The following FSTL5 variants were observed in gnomAD, a reference collection of about 807,000 sequenced individuals.
FSTL5 encodes the protein follistatin-related protein 5.
FSTL5 carries 62 observed loss-of-function variants against 89.1 expected under a neutral mutation model. That is an observed-to-expected ratio of 0.70 (90% CI 0.57 to 0.86). The LOEUF is 0.86. Ranked by LOEUF, FSTL5 falls within the 40% of genes least tolerant of loss-of-function variation. FSTL5 has a pLI of 0.00. For synonymous variants in FSTL5, 383 were observed against 346.2 expected, an observed-to-expected ratio of 1.11 and a Z score of -1.18; for missense variants, 1,057 against 1,001.6, an observed-to-expected ratio of 1.06 and a Z score of -0.75.
intron 2 of FSTL5, among the ~76,000 whole-genome samples, chr4:162,099,934 A>G (rs1730922027): frequency 6.6e-6 from 1 of 152,228 alleles, no homozygotes; most frequent in Non-Finnish European, 1.5e-5. Flanking sequence ...TGGTGAGGAT[A>G]GTGGAGCAAT....
chr4:161,441,368 T>C (rs540104257), intron 15 of FSTL5, among the ~76,000 whole-genome samples: 2 of 152,232 alleles, frequency 1.3e-5, no homozygotes, highest in South Asian at 4.1e-4. Context: ...GCAGATGATA[T>C]TGCCCTTCAT....
At chr4:162,148,327 GA>G (rs1252318716) in intron 1 of FSTL5, among the ~76,000 whole-genome samples, 1 of 151,960 alleles carries the variant, frequency 6.6e-6, no homozygotes, top group East Asian at 1.9e-4. Context: ...AATACACTGA[GA>G]AAAAAATGCA....
intron 12 of FSTL5, among the ~76,000 whole-genome samples, chr4:161,488,678 C>A (rs1361706183): frequency 6.6e-6 from 1 of 152,040 alleles, no homozygotes; most frequent in Non-Finnish European, 1.5e-5. Flanking sequence ...TAAATAAAAT[C>A]ATATTTGAAA....
chr4:161,932,513 G>A (rs935167854), intron 3 of FSTL5, among the ~76,000 whole-genome samples: 19 of 151,522 alleles, frequency 1.3e-4, no homozygotes, highest in African/African-American at 4.6e-4. Flanking sequence ...ATAAGAATGT[G>A]TATATATAAA....
intron 15 of FSTL5, among the ~76,000 whole-genome samples, chr4:161,418,342 T>C (rs1487105282): frequency 2.6e-5 from 4 of 152,176 alleles, no homozygotes; most frequent in Non-Finnish European, 5.9e-5. Flanking sequence ...AACAAAAATT[T>C]GTAAAACAGA....
chr4:161,716,652 A>G (rs1383077423), intron 6 of FSTL5, among the ~76,000 whole-genome samples: 3 of 152,082 alleles, frequency 2.0e-5, no homozygotes, highest in Non-Finnish European at 4.4e-5. Flanking sequence ...ATCACTCTCA[A>G]ATGCCTTACT....
chr4:161,543,150 C>A (rs1250633642), intron 8 of FSTL5, among the ~76,000 whole-genome samples: 1 of 151,496 alleles, frequency 6.6e-6, no homozygotes, highest in Non-Finnish European at 1.5e-5. Context: ...TTTATTATAG[C>A]CTGTTAGGAA....
chr4:161,955,971 A>G (rs1389854755), intron 3 of FSTL5, among the ~76,000 whole-genome samples: 8 of 151,844 alleles, frequency 5.3e-5, no homozygotes, highest in Non-Finnish European at 1.2e-4. Context: ...ATGCCTAAAC[A>G]TGCAATAGTC....
At position 161,877,844 on chromosome 4, in the gene FSTL5, C is replaced by T. The variant is rs541682212; in HGVS notation, c.409+42560G>A. On this transcript the variant is annotated intron_variant, in intron 4 of 15. Transcript: ENST00000306100. ...CCCCTTTTTATATTTTCAGTAGAGA[C>T]GGGGTTTCACCGTGTTAGCCAGGAT... 3.3e-3 allele frequency among the ~76,000 whole-genome samples: 491 copies of T among 150,544 alleles called. 4 individuals are homozygous for T. Among genetic ancestry groups the T allele is most frequent in the African/African-American group, 0.011 (470 of 41,146 alleles).
intron 15 of FSTL5, among the ~76,000 whole-genome samples, chr4:161,413,753 T>G (rs188763300): frequency 6.6e-6 from 1 of 152,132 alleles, no homozygotes; most frequent in Non-Finnish European, 1.5e-5. Flanking sequence ...TAAAATACAA[T>G]GAAATCATGT....
intron 4 of FSTL5, among the ~76,000 whole-genome samples, chr4:161,779,738 G>C (rs1741550663): frequency 1.6e-5 from 1 of 61,714 alleles, no homozygotes; most frequent in South Asian, 6.3e-4. Flanking sequence ...TCTGTAATTT[G>C]TCCAAGGATT....
At chr4:161,567,343 T>C (rs1259735027) in intron 8 of FSTL5, among the ~76,000 whole-genome samples, 3 of 152,154 alleles carry the variant, frequency 2.0e-5, no homozygotes, top group African/African-American at 7.2e-5. Flanking sequence ...CAAAAGGTGC[T>C]TAAAATCTAA....
chr4:162,055,546 G>C (rs1738514771), intron 2 of FSTL5, among the ~76,000 whole-genome samples: 1 of 151,512 alleles, frequency 6.6e-6, no homozygotes, highest in Non-Finnish European at 1.5e-5. Flanking sequence ...TAGATAGATA[G>C]ATAGATAGAT....
intron 6 of FSTL5, among the ~76,000 whole-genome samples, chr4:161,682,704 C>T (rs986791396): frequency 3.9e-5 from 6 of 151,972 alleles, no homozygotes; most frequent in Non-Finnish European, 7.4e-5. Context: ...ATGCCTTCTT[C>T]GACCTGAAAG....
At chr4:161,479,956 A>G (rs1024971757) in intron 13 of FSTL5, among the ~76,000 whole-genome samples, 3 of 152,152 alleles carry the variant, frequency 2.0e-5, no homozygotes, top group Admixed American at 2.0e-4. Context: ...GGATGGATGG[A>G]TGGATGGATG....
chr4:161,560,453 TTG>T (rs1274743921), intron 8 of FSTL5, among the ~76,000 whole-genome samples: 1 of 151,924 alleles, frequency 6.6e-6, no homozygotes, highest in East Asian at 1.9e-4. Context: ...TACTGTAACT[TTG>T]TTACTTTTTA....
intron 6 of FSTL5, among the ~76,000 whole-genome samples, chr4:161,751,199 T>C (rs993073226): frequency 6.6e-6 from 1 of 152,060 alleles, no homozygotes; most frequent in Non-Finnish European, 1.5e-5. Flanking sequence ...AGGACGGAGT[T>C]ATTTTACCAT....
At chr4:162,064,021 A>G (rs74706982) in intron 2 of FSTL5, among the ~76,000 whole-genome samples, 14,012 of 152,056 alleles carry the variant, frequency 0.092, 775 homozygotes, top group Non-Finnish European at 0.12. Flanking sequence ...TCTCTTGGCC[A>G]TAAGTTGCCT....
chr4:161,952,443 ATAG>A (rs1274295146), intron 3 of FSTL5, among the ~76,000 whole-genome samples: 2 of 151,982 alleles, frequency 1.3e-5, no homozygotes, highest in Admixed American at 6.6e-5. Flanking sequence ...TCATCATATA[ATAG>A]TAGGAAAAAT....
Sources: allele counts gnomAD v4.1 joint callset (sites outside exome capture counted in the v4.1 genomes callset), GRCh38; gene constraint gnomAD v4.1.1; transcripts MANE v1.5; gene names NCBI Gene and HGNC (gene_info 2026-07-23, HGNC 2026-07-21).